The following MAP3K1 variants were observed in gnomAD, a reference collection of about 807,000 sequenced individuals.
MAP3K1 encodes the protein MAP/ERK kinase kinase 1.
MAP3K1 carries 36 observed loss-of-function variants against 144.2 expected under a neutral mutation model. That is an observed-to-expected ratio of 0.25 (90% CI 0.19 to 0.33). The LOEUF (loss-of-function observed/expected upper bound fraction) is 0.33. Among genes scored for constraint, MAP3K1 ranks in the 10% least tolerant of loss-of-function variants. The probability of loss-of-function intolerance (pLI) is 1.00; values close to 1 mark genes in which losing one functional copy is unlikely to be tolerated. For synonymous variants in MAP3K1, 718 were observed against 688.7 expected (o/e 1.04, Z -0.67); for missense variants, 1,650 against 1,881.9 (o/e 0.88, Z 2.28).
chr5:56,875,060 T>A lies in MAP3K1; in HGVS notation c.1715T>A (p.Leu572Ter). 6.2e-7 allele frequency: 1 copy of A among 1,614,242 alleles called. No individual in the cohort carries two copies. The highest frequency in any genetic ancestry group is 8.5e-7 in the Non-Finnish European group (1 of 1,180,044). ...TTTGGAATGGAACTCGTTGGCTGCT[T>A]ATTTTCTAGAAACTGGAATGTGAGA... ...QVFGMELVGC[L>*]FSRNWNVREM... The change falls in exon 10 of 20, where the codon TTA becomes TAA. Residue 572 changes from leucine (L) to a stop codon, truncating the protein, a stop_gained. Coordinates refer to ENST00000399503, the MANE Select transcript of MAP3K1 (RefSeq NM_005921.2). LOFTEE classifies it high-confidence loss of function.
At chr5:56,834,296 G>T (rs568936238) in intron 1 of MAP3K1, among the ~76,000 whole-genome samples, 1 of 152,306 alleles carries the variant, frequency 6.6e-6, no homozygotes, top group Non-Finnish European at 1.5e-5. Flanking sequence ...GCTGGAGCCA[G>T]GGGAGATAAA....
intron 6 of MAP3K1, among the ~76,000 whole-genome samples, chr5:56,867,783 A>G (rs1211216059): frequency 1.3e-5 from 2 of 152,192 alleles, no homozygotes; most frequent in African/African-American, 2.4e-5. Context: ...GAGAAATGCA[A>G]AAGCCTCACA....
chr5:56,864,295 C>G (rs1233791588), intron 3 of MAP3K1, among the ~76,000 whole-genome samples: 2 of 151,986 alleles, frequency 1.3e-5, no homozygotes, highest in Non-Finnish European at 2.9e-5. Flanking sequence ...AGCCTTTGTT[C>G]CATAATATTT....
In MAP3K1 at chr5:56,872,854, C is replaced by T. The variant is rs754656362; in HGVS notation, c.1535C>T (p.Pro512Leu). 1 of 1,614,150 alleles carries T rather than the reference C, an allele frequency of 6.2e-7. No homozygotes were observed. The change falls in exon 9 of 20, where the codon CCT becomes CTT. Residue 512 changes from proline (P) to leucine (L), a missense_variant. Transcript: ENST00000399503. ...GAGTTGTCAAGTCCTGTGGATTCCC[C>T]TTCTTCCCTCAGAGCTGCACAGCAG... ...SHELSSPVDS[P>L]SSLRAAQQQT...
chr5:56,879,019 A>G lies in MAP3K1; in HGVS notation c.2005A>G (p.Ser669Gly). Residue 669 changes from serine to glycine, a missense_variant, in exon 11 of 20, where the codon AGT becomes GGT. Physicochemically the swap from Ser to Gly is moderately conservative, Grantham distance 56. Around this residue, in one of 6 missense-constraint regions of MAP3K1, gnomAD observed 841 missense variants for 886.5 expected, o/e 0.95. Coordinates refer to ENST00000399503, the MANE Select transcript of MAP3K1 (RefSeq NM_005921.2). ...CATGCTGGTATATACTCCTTGCCAC[A>G]GTTTAGCGGAAAGAATCAAACTTCA... ...RAMLVYTPCH[S>G]LAERIKLQRL... 1 of 1,613,904 alleles carries G rather than the reference A, an allele frequency of 6.2e-7. No homozygotes were observed. The highest frequency in any genetic ancestry group is 8.5e-7 in the Non-Finnish European group (1 of 1,179,864).
Position 56,815,805 on chromosome 5 carries a change from C to T in MAP3K1, c.232C>T (p.Leu78Phe). 7 of 1,423,706 alleles carry T rather than the reference C, an allele frequency of 4.9e-6. No homozygotes were observed. The highest frequency in any genetic ancestry group is 6.4e-6 in the Non-Finnish European group (7 of 1,085,798). 88.2% of individuals were successfully genotyped at this position (1,423,706 alleles called of 1,614,324 possible). A position where few individuals can be genotyped will look rare whatever the true frequency, so the allele number is the denominator to read the frequency against. ...VELDQLPEQP[L>F]FLAASPPASS... ...GCTGGACCAGCTGCCTGAGCAGCCG[C>T]TCTTCCTTGCCGCCTCACCGCCGGC... Residue 78 changes from leucine to phenylalanine, a missense_variant, in exon 1 of 20, where the codon CTC becomes TTC. Coordinates refer to ENST00000399503, the MANE Select transcript of MAP3K1 (RefSeq NM_005921.2).
chr5:56,822,608 G>C (rs1746186448), intron 1 of MAP3K1, among the ~76,000 whole-genome samples: 1 of 152,108 alleles, frequency 6.6e-6, no homozygotes, highest in South Asian at 2.1e-4. Context: ...AAGATTCCCA[G>C]GGTGGTCCTA....
At chr5:56,817,956 G>C (rs535132729) in intron 1 of MAP3K1, among the ~76,000 whole-genome samples, 4 of 152,160 alleles carry the variant, frequency 2.6e-5, no homozygotes, top group Non-Finnish European at 5.9e-5. Flanking sequence ...TTTGCGTTTT[G>C]TAACCGAGGT....
At chr5:56,843,046 C>A (rs1414584256) in intron 1 of MAP3K1, among the ~76,000 whole-genome samples, 1 of 152,152 alleles carries the variant, frequency 6.6e-6, no homozygotes, top group Non-Finnish European at 1.5e-5. Context: ...ACTAAGAAGT[C>A]CTTCCTGGTT....
chr5:56,831,915 C>T (rs1746505875), intron 1 of MAP3K1, among the ~76,000 whole-genome samples: 2 of 152,192 alleles, frequency 1.3e-5, no homozygotes. Context: ...TTGATTTCCT[C>T]TTTCCCCTTT....
At chr5:56,875,461 C>T in intron 10 of MAP3K1, 151 bp downstream of exon 10, 1 of 821,710 alleles carries the variant, frequency 1.2e-6, no homozygotes, top group Non-Finnish European at 1.9e-6. Context: ...GAAATTACAG[C>T]TTTTGTTTTG....
intron 1 of MAP3K1, among the ~76,000 whole-genome samples, chr5:56,824,523 A>C (rs76249558): frequency 0.018 from 2,744 of 152,316 alleles, 93 homozygotes; most frequent in African/African-American, 0.064. Flanking sequence ...GAGAGGGAGA[A>C]TAGGACTCAA....
chr5:56,880,677 T>A (rs1748177933), intron 11 of MAP3K1, 34 bp from the exon 12 acceptor site: 1 of 1,436,364 alleles, frequency 7.0e-7, no homozygotes, highest in African/African-American at 1.4e-5. Flanking sequence ...TTAGCCAAGA[T>A]CCAGGATTGA....
intron 19 of MAP3K1, among the ~76,000 whole-genome samples, chr5:56,889,191 CAG>C (rs1023660875): frequency 8.5e-5 from 13 of 152,156 alleles, no homozygotes; most frequent in African/African-American, 1.9e-4. Flanking sequence ...GTTTTTGAGA[CAG>C]AGTCTCGCTG....
Position 56,857,324 on chromosome 5 carries a change from T to C in MAP3K1, c.633+574T>C, listed in dbSNP as rs761074069. Among the ~76,000 whole-genome samples the C allele has an allele frequency of 5.9e-5, 9 of 152,138 alleles. No homozygotes were observed. In the East Asian group the frequency reaches 9.6e-4, roughly 16 times the overall value. ...GTGTGGGGTTTGATGAAAGAAAATC[T>C]AGAGTCCTAGATTTTAAAAAGCAGG... On this transcript the variant is annotated intron_variant, in intron 2 of 19. Transcript: ENST00000399503.
chr5:56,855,940 A>AAC (rs1747330848), intron 1 of MAP3K1, among the ~76,000 whole-genome samples: 1 of 152,126 alleles, frequency 6.6e-6, no homozygotes, highest in African/African-American at 2.4e-5. Flanking sequence ...TTTGCCTGTT[A>AAC]GGCTTTGTAG....
intron 1 of MAP3K1, among the ~76,000 whole-genome samples, chr5:56,855,711 C>T (rs971541316): frequency 5.9e-5 from 9 of 152,078 alleles, no homozygotes; most frequent in Admixed American, 5.9e-4. Flanking sequence ...TTTCCTTTTC[C>T]TATCAGTGTA....
intron 3 of MAP3K1, among the ~76,000 whole-genome samples, chr5:56,863,917 G>A (rs968866027): frequency 1.3e-5 from 2 of 152,144 alleles, no homozygotes; most frequent in South Asian, 2.1e-4. Flanking sequence ...CCCTAGGAGC[G>A]TTTTTGTCAG....
intron 1 of MAP3K1, among the ~76,000 whole-genome samples, chr5:56,825,557 G>T (rs1383985101): frequency 6.6e-6 from 1 of 152,194 alleles, no homozygotes; most frequent in Non-Finnish European, 1.5e-5. Context: ...TGTCCAGGCT[G>T]CATCTCTGCC....
Sources: gnomAD v4.1 joint callset for allele counts (sites outside exome capture counted in the v4.1 genomes callset) on GRCh38, gnomAD v4.1.1 for gene constraint, gnomAD v4.1.1 regional missense constraint, MANE v1.5 for transcripts, NCBI Gene and HGNC (gene_info 2026-07-23, HGNC 2026-07-21) for gene names.